The following GBE1 variants were observed in gnomAD, a reference collection of about 807,000 sequenced individuals.
The protein encoded by GBE1 is 1,4-alpha-glucan-branching enzyme.
Under a neutral mutation model 88.8 loss-of-function variants are expected in GBE1, and 70 were observed. That is an observed-to-expected ratio of 0.79 (90% confidence interval 0.65 to 0.96). The LOEUF (loss-of-function observed/expected upper bound fraction) is 0.96, where lower values mean the gene tolerates loss of function less well. Ranked by LOEUF, GBE1 falls within the 40% of genes least tolerant of loss-of-function variation. The pLI, the probability that GBE1 is intolerant of heterozygous loss-of-function variation, is 0.00. For missense variants in GBE1, 872 were observed against 871.0 expected, an observed-to-expected ratio of 1.00 and a Z score of -0.01; for synonymous variants, 284 against 300.1, an observed-to-expected ratio of 0.95 and a Z score of 0.56.
At chr3:81,563,021 C>G (rs1481912417) in intron 12 of GBE1, among the ~76,000 whole-genome samples, 1 of 152,030 alleles carries the variant, frequency 6.6e-6, no homozygotes. Context: ...AGCAAGATAT[C>G]TGTGTTTAGA....
intron 1 of GBE1, among the ~76,000 whole-genome samples, chr3:81,729,803 T>C (rs1344235135): frequency 1.3e-5 from 2 of 152,080 alleles, no homozygotes; most frequent in Non-Finnish European, 2.9e-5. Context: ...GGGTTCATGG[T>C]CTTTCCCTCA....
intron 7 of GBE1, among the ~76,000 whole-genome samples, chr3:81,620,200 T>G (rs1263750458): frequency 1.5e-5 from 2 of 135,584 alleles, no homozygotes; most frequent in African/African-American, 5.8e-5. Flanking sequence ...TTTTTTTTTT[T>G]GAGATGGAGT....
intron 6 of GBE1, among the ~76,000 whole-genome samples, chr3:81,644,361 GA>G (rs1290120940): frequency 6.6e-6 from 1 of 152,068 alleles, no homozygotes; most frequent in Non-Finnish European, 1.5e-5. Flanking sequence ...ATTTGAGCAA[GA>G]AAAAAAGTAA....
At chr3:81,713,256 G>A (rs1705895918) in intron 1 of GBE1, among the ~76,000 whole-genome samples, 1 of 152,188 alleles carries the variant, frequency 6.6e-6, no homozygotes, top group South Asian at 2.1e-4. Context: ...CATTTGTGCT[G>A]TATCTTGAAG....
At chr3:81,498,912 C>T (rs913464042) in intron 15 of GBE1, among the ~76,000 whole-genome samples, 198 bp downstream of exon 15, 1 of 152,070 alleles carries the variant, frequency 6.6e-6, no homozygotes. Context: ...CCCTAAATAT[C>T]CTTTACTATT....
chr3:81,664,412 T>A, intron 3 of GBE1, among the ~76,000 whole-genome samples: 1 of 122,638 alleles, frequency 8.2e-6, no homozygotes, highest in South Asian at 2.4e-4. Flanking sequence ...GAAAATTAAA[T>A]GGCAAAAATA....
chr3:81,701,235 C>T (rs1479898679), intron 2 of GBE1, among the ~76,000 whole-genome samples: 1 of 152,038 alleles, frequency 6.6e-6, no homozygotes, highest in African/African-American at 2.4e-5. Context: ...TATACACCAT[C>T]CTTCTAGGTT....
rs532774142 is a variant in GBE1 at position 81,737,034 on chromosome 3, G to A, written c.143+24341C>T. On this transcript the variant is annotated intron_variant, in intron 1 of 15. Transcript: ENST00000429644. ...GTGGCTTTGGACTAAGAAGCTAGCA[G>A]TAAAGATGTACAGAATAGCAAAATT... 1.8e-3 allele frequency among the ~76,000 whole-genome samples: 270 copies of A among 151,968 alleles called. 2 individuals carry two copies. Among genetic ancestry groups the A allele is most frequent in the Non-Finnish European group, 3.2e-3 (218 of 67,978 alleles).
chr3:81,666,423 T>C (rs1220115452), intron 3 of GBE1, among the ~76,000 whole-genome samples: 1 of 152,202 alleles, frequency 6.6e-6, no homozygotes. Context: ...CTGACTCTCT[T>C]CAACTAAAAA....
intron 9 of GBE1, 120 bp from the exon 10 acceptor site, chr3:81,586,310 C>T: frequency 1.6e-6 from 1 of 629,856 alleles, no homozygotes; most frequent in Non-Finnish European, 2.7e-6. Flanking sequence ...GCTTTGGTAA[C>T]ATAAAAGTCG....
chr3:81,635,355 C>T (rs1375989788), intron 7 of GBE1, among the ~76,000 whole-genome samples: 1 of 152,074 alleles, frequency 6.6e-6, no homozygotes, highest in East Asian at 1.9e-4. Flanking sequence ...AAAAATCTGC[C>T]TGCTCACTAA....
At chr3:81,588,891 C>A (rs768217620) in intron 9 of GBE1, among the ~76,000 whole-genome samples, 11 of 152,108 alleles carry the variant, frequency 7.2e-5, no homozygotes, top group Non-Finnish European at 1.2e-4. Context: ...AGGACCTAGA[C>A]TAAACCCCTG....
At chr3:81,568,727 A>G (rs1355339160) in intron 12 of GBE1, among the ~76,000 whole-genome samples, 2 of 152,180 alleles carry the variant, frequency 1.3e-5, no homozygotes, top group Non-Finnish European at 2.9e-5. Flanking sequence ...AAGGGAGGAA[A>G]AAGACTTAAA....
At chr3:81,747,707 G>A (rs1320196184) in intron 1 of GBE1, among the ~76,000 whole-genome samples, 2 of 152,100 alleles carry the variant, frequency 1.3e-5, no homozygotes, top group South Asian at 2.1e-4. Flanking sequence ...TTTGTTCCTG[G>A]CCCACCTTAA....
chr3:81,743,538 G>A, intron 1 of GBE1: 1 of 1,508,376 alleles, frequency 6.6e-7, no homozygotes, highest in Non-Finnish European at 8.9e-7. Flanking sequence ...CAAAAATAAT[G>A]CAAGTCATAA....
At chr3:81,534,301 C>T (rs1280536083) in intron 14 of GBE1, among the ~76,000 whole-genome samples, 2 of 151,860 alleles carry the variant, frequency 1.3e-5, no homozygotes, top group African/African-American at 4.8e-5. Context: ...TAATATTTAT[C>T]TTCTTTACTA....
chr3:81,594,349 A>G (rs1391666621), intron 7 of GBE1, among the ~76,000 whole-genome samples: 1 of 152,104 alleles, frequency 6.6e-6, no homozygotes, highest in African/African-American at 2.4e-5. Flanking sequence ...CGGAAAAGTG[A>G]TTACTACATA....
At chr3:81,715,483 C>G (rs1180525740) in intron 1 of GBE1, among the ~76,000 whole-genome samples, 1 of 152,156 alleles carries the variant, frequency 6.6e-6, no homozygotes, top group Non-Finnish European at 1.5e-5. Context: ...GTTTTTCACT[C>G]AAGCAGCTTT....
At chr3:81,645,065 A>G (rs1704745339) in intron 6 of GBE1, among the ~76,000 whole-genome samples, 1 of 152,196 alleles carries the variant, frequency 6.6e-6, no homozygotes, top group Non-Finnish European at 1.5e-5. Context: ...TATATGTATT[A>G]GATACTCCAA....
Sources: gnomAD v4.1 joint callset for allele counts (sites outside exome capture counted in the v4.1 genomes callset) on GRCh38, gnomAD v4.1.1 for gene constraint, MANE v1.5 for transcripts, NCBI Gene and HGNC (gene_info 2026-07-23, HGNC 2026-07-21) for gene names.